The following NOSIP variants were observed in gnomAD, a reference collection of about 807,000 sequenced individuals.
NOSIP encodes nitric oxide synthase interacting protein.
In NOSIP, 25 loss-of-function variants were observed where a neutral mutation model predicts 36.4. That is an observed-to-expected ratio of 0.69 (90% CI 0.50 to 0.96). The LOEUF (loss-of-function observed/expected upper bound fraction) is 0.96, where lower values mean the gene tolerates loss of function less well. Ranked by LOEUF, NOSIP falls within the 40% of genes least tolerant of loss-of-function variation. NOSIP has a pLI of 0.00. For synonymous variants in NOSIP, 187 were observed against 179.2 expected (o/e 1.04, Z -0.35); for missense variants, 370 against 429.0 (o/e 0.86, Z 1.21).
In NOSIP at chr19:49,556,634, G is replaced by T; in HGVS notation, c.640C>A (p.Leu214Ile). ...ACGTAGCGCTCGCTGCGGGTGATGA[G>T]CCCCACGCGGTCCACGGAGCTGTCT... ...PLDSSVDRVG[L>I]ITRSERYVCA... Residue 214 changes from leucine (L) to isoleucine (I), a missense_variant, in exon 7 of 9, where the codon CTC (leucine) becomes ATC (isoleucine). Transcript: ENST00000596358. The T allele has an allele frequency of 1.2e-6, 2 of 1,609,860 alleles. No homozygotes were observed. Among genetic ancestry groups the T allele is most frequent in the Non-Finnish European group, 1.7e-6 (2 of 1,179,776 alleles).
chr19:49,575,537 C>G (rs530108425), intron 1 of NOSIP, among the ~76,000 whole-genome samples: 3 of 152,174 alleles, frequency 2.0e-5, no homozygotes, highest in Admixed American at 6.5e-5. Context: ...GAAGTAATCA[C>G]CTGACAGCTG....
chr19:49,558,000 C>T (rs1040972588), intron 4 of NOSIP: 29 of 908,112 alleles, frequency 3.2e-5, no homozygotes, highest in Non-Finnish European at 3.6e-5. Flanking sequence ...TCCTGAGCGC[C>T]AGCAACCAGG....
At chr19:49,576,884 CAAAAAA>C (rs58441193) in intron 1 of NOSIP, among the ~76,000 whole-genome samples, 2 of 47,388 alleles carry the variant, frequency 4.2e-5, no homozygotes, top group East Asian at 1.0e-3. Flanking sequence ...AACTCTGTCT[CAAAAAA>C]AAAAAAAAAA....
At chr19:49,575,057 G>C (rs1169620925) in intron 1 of NOSIP, among the ~76,000 whole-genome samples, 3 of 152,054 alleles carry the variant, frequency 2.0e-5, no homozygotes, top group Admixed American at 6.6e-5. Context: ...TAGAGAGGGG[G>C]TTTCACCACG....
chr19:49,562,357 C>T (rs2080347357), intron 1 of NOSIP, among the ~76,000 whole-genome samples: 3 of 152,184 alleles, frequency 2.0e-5, no homozygotes, highest in Admixed American at 1.3e-4. Context: ...CTCCTGACCT[C>T]AGGTGATCCA....
chr19:49,576,828 G>A (rs535929213), intron 1 of NOSIP, among the ~76,000 whole-genome samples: 1 of 141,280 alleles, frequency 7.1e-6, no homozygotes, highest in South Asian at 2.3e-4. Flanking sequence ...AGGTCGTGAT[G>A]AGCCAAGATC....
At position 49,555,686 on chromosome 19, in the gene NOSIP, C is replaced by T. The variant is rs1188882492; in HGVS notation, c.*65G>A. The T allele has an allele frequency of 1.4e-6, 2 of 1,423,144 alleles. No individual in the cohort carries two copies. The highest frequency in any genetic ancestry group is 2.3e-5 in the East Asian group (1 of 43,670). The allele number at this position is 1,423,144 out of a possible 1,614,324, so 88.2% of individuals were successfully genotyped here. ...GCCTGCCCTGTCCCCGGGGCGCCCACGCCGCGAATGAAGGCGCCACGTCGT... is the reference window on the plus strand; with the variant it reads ...GCCTGCCCTGTCCCCGGGGCGCCCATGCCGCGAATGAAGGCGCCACGTCGT... On this transcript the variant is annotated 3_prime_UTR_variant, in exon 9 of 9. Coordinates refer to ENST00000596358, the MANE Select transcript of NOSIP (RefSeq NM_001270960.2).
In NOSIP at chr19:49,561,274, A is replaced by G. The variant is rs560315596; in HGVS notation, c.-1-582T>C. Among the ~76,000 whole-genome samples the G allele has an allele frequency of 1.8e-4, 27 of 152,302 alleles. No individual in the cohort carries two copies. The East Asian group carries it at 5.0e-3, about 28-fold the overall frequency. On this transcript the variant is annotated intron_variant, in intron 1 of 8. Transcript: ENST00000596358. ...ATCGACCGATCAGAGGGCAGGTCAGAGTAGGGCTCTGTGTCTAGGGGAAGA... is the reference window on the plus strand; with the variant it reads ...ATCGACCGATCAGAGGGCAGGTCAGGGTAGGGCTCTGTGTCTAGGGGAAGA...
At chr19:49,571,526 G>A (rs907020010) in intron 1 of NOSIP, among the ~76,000 whole-genome samples, 2 of 152,160 alleles carry the variant, frequency 1.3e-5, no homozygotes, top group Non-Finnish European at 2.9e-5. Flanking sequence ...AGGAGCGACC[G>A]ATGTCAGCAT....
chr19:49,578,139 T>C (rs2080578143), intron 1 of NOSIP, among the ~76,000 whole-genome samples: 1 of 152,132 alleles, frequency 6.6e-6, no homozygotes, highest in Non-Finnish European at 1.5e-5. Flanking sequence ...GCTTTTTTTT[T>C]TTGAGAGGGA....
At chr19:49,567,841 T>C (rs1037963355) in intron 1 of NOSIP, among the ~76,000 whole-genome samples, 1 of 151,638 alleles carries the variant, frequency 6.6e-6, no homozygotes, top group Non-Finnish European at 1.5e-5. Flanking sequence ...CCGGCTAATT[T>C]TTTTGCATTT....
chr19:49,575,948 G>A (rs527567706), intron 1 of NOSIP, among the ~76,000 whole-genome samples: 14 of 152,064 alleles, frequency 9.2e-5, no homozygotes, highest in African/African-American at 3.1e-4. Flanking sequence ...TGACTAACAC[G>A]GTGAAACCCC....
intron 1 of NOSIP, among the ~76,000 whole-genome samples, chr19:49,568,874 C>A (rs564744454): frequency 6.7e-6 from 1 of 148,926 alleles, no homozygotes; most frequent in Non-Finnish European, 1.5e-5. Flanking sequence ...GCAATCTCGG[C>A]TCACTGCAAC....
At chr19:49,563,660 A>C (rs928002811) in intron 1 of NOSIP, among the ~76,000 whole-genome samples, 6 of 151,538 alleles carry the variant, frequency 4.0e-5, no homozygotes, top group Non-Finnish European at 7.4e-5. Flanking sequence ...TACCCAGCTA[A>C]TTTTTTGTAT....
intron 1 of NOSIP, among the ~76,000 whole-genome samples, chr19:49,565,672 T>C (rs2080396604): frequency 6.6e-6 from 1 of 151,150 alleles, no homozygotes; most frequent in Non-Finnish European, 1.5e-5. Flanking sequence ...GCAGGAGGAC[T>C]GCTTGAGCCT....
Position 49,560,714 on chromosome 19 carries a change from C to A in NOSIP, c.-1-22G>T. On this transcript the variant is annotated intron_variant, in intron 1 of 8. Coordinates refer to ENST00000596358, the MANE Select transcript of NOSIP (RefSeq NM_001270960.2). This position sits in a 1 kb window ranked among gnomAD's most constrained non-coding sequence, Gnocchi z 4.6. ...CATCCTAGGGAGGAAGGGACAGTGG[C>A]AGGACTGTGGTTACCGGAGGCAGGC... is the stretch of plus-strand genomic sequence containing the variant. The A allele has an allele frequency of 1.3e-6, 2 of 1,564,886 alleles. No individual in the cohort carries two copies. The highest frequency in any genetic ancestry group is 1.7e-6 in the Non-Finnish European group (2 of 1,151,050).
In NOSIP at chr19:49,558,867, C is replaced by T. The variant is rs111299973; in HGVS notation, c.258+30G>A. On this transcript the variant is annotated intron_variant, in intron 4 of 8. Transcript: ENST00000596358. ...GCTCAGACTCAAAAGCTCCTGCCTC[C>T]GTGTGCCGCCTCCTCCCCATCCCCA... The T allele has an allele frequency of 9.1e-3, 14,414 of 1,584,020 alleles. 80 individuals carry two copies. The highest frequency in any genetic ancestry group is 0.011 in the Non-Finnish European group (12,584 of 1,152,858).
Position 49,555,632 on chromosome 19 carries a change from G to C in NOSIP, c.*119C>G. 1 of 771,316 alleles carries C rather than the reference G, an allele frequency of 1.3e-6. No individual in the cohort carries two copies. The highest frequency in any genetic ancestry group is 1.6e-5 in the South Asian group (1 of 62,986). The allele number at this position is 771,316 out of a possible 1,614,324, so 47.8% of individuals were successfully genotyped here. A position where few individuals can be genotyped will look rare whatever the true frequency, so the allele number is the denominator to read the frequency against. ...TTTCAAACTCCAGCGTGCGCTGTAG[G>C]AGCACTGTTTGCACGGCCCTGCATC... On this transcript the variant is annotated 3_prime_UTR_variant, in exon 9 of 9. Transcript: ENST00000596358.
At chr19:49,568,797 AGT>A (rs1491340200) in intron 1 of NOSIP, among the ~76,000 whole-genome samples, 10,934 of 130,546 alleles carry the variant, frequency 0.084, 1,756 homozygotes, top group African/African-American at 0.28. Flanking sequence ...AAAAAAAAAT[AGT>A]TTGTTTGTTT....
Sources: allele counts gnomAD v4.1 joint callset (sites outside exome capture counted in the v4.1 genomes callset), GRCh38; gene constraint gnomAD v4.1.1; non-coding constraint Gnocchi (gnomAD v3.1); transcripts MANE v1.5; gene names NCBI Gene and HGNC (gene_info 2026-07-23, HGNC 2026-07-21).